The following ATP7B variants were observed in gnomAD, a reference collection of about 807,000 sequenced individuals.
The protein encoded by ATP7B is copper-transporting ATPase 2.
In ATP7B, 113 loss-of-function variants were observed where a neutral mutation model predicts 118.9. The observed-to-expected ratio is 0.95, with a 90% CI of 0.82 to 1.11. The LOEUF (loss-of-function observed/expected upper bound fraction) is 1.11. ATP7B is among the 50% of genes most tolerant of loss of function. The pLI is 0.00. For missense variants in ATP7B, 1,867 were observed against 1,871.4 expected, an observed-to-expected ratio of 1.00 and a Z score of 0.04; for synonymous variants, 777 against 727.4, an observed-to-expected ratio of 1.07 and a Z score of -1.10.
At chr13:51,938,943 AG>A in intron 17 of ATP7B, 107 bp downstream of exon 17, 2 of 1,543,156 alleles carry the variant, frequency 1.3e-6, no homozygotes, top group South Asian at 1.1e-5. Context: ...GCATCCAGCA[AG>A]GGAGAAAGAG....
At chr13:51,938,889 G>C (rs1957138974) in intron 17 of ATP7B, among the ~76,000 whole-genome samples, 162 bp downstream of exon 17, 1 of 152,186 alleles carries the variant, frequency 6.6e-6, no homozygotes, top group African/African-American at 2.4e-5. Flanking sequence ...CAGTGCTCAC[G>C]TGCAACACTA....
chr13:51,985,482 C>T (rs2140296338), intron 1 of ATP7B, among the ~76,000 whole-genome samples: 1 of 152,186 alleles, frequency 6.6e-6, no homozygotes, highest in South Asian at 2.1e-4. Flanking sequence ...ACTTTAACAC[C>T]CCACTGTCAA....
intron 16 of ATP7B, among the ~76,000 whole-genome samples, chr13:51,939,824 G>T (rs1190102912): frequency 6.6e-6 from 1 of 152,102 alleles, no homozygotes; most frequent in Non-Finnish European, 1.5e-5. Context: ...AAAAGAGAGA[G>T]AATGTGAGAG....
rs121907996 is a variant in ATP7B, at chr13:51,946,438, C to T, written c.2906G>A (p.Arg969Gln). ...KHISQTEVII[R>Q]FAFQTSITVL... ...CGTGATGGACGTCTGGAAAGCAAACCGGATGATCACCTCTGTCTGGGAGAT... is the reference window on the plus strand; with the variant it reads ...CGTGATGGACGTCTGGAAAGCAAACTGGATGATCACCTCTGTCTGGGAGAT... Residue 969 changes from arginine (R) to glutamine (Q), a missense_variant, in exon 13 of 21, where the codon CGG becomes CAG. Physicochemically the swap from Arg to Gln is conservative, Grantham distance 43. Transcript: ENST00000242839. 2.3e-5 allele frequency: 37 copies of T among 1,614,078 alleles called. No individual in the cohort carries two copies. The highest frequency in any genetic ancestry group is 4.4e-5 in the South Asian group (4 of 91,086).
At position 51,968,452 on chromosome 13, in the gene ATP7B, C is replaced by T. The variant is rs1454088856; in HGVS notation, c.1699G>A (p.Glu567Lys). Residue 567 changes from glutamate to lysine, a missense_variant, in exon 4 of 21, where the codon GAG becomes AAG. Glu to Lys is a moderately conservative substitution (Grantham distance 56). Coordinates refer to ENST00000242839, the MANE Select transcript of ATP7B (RefSeq NM_000053.4). ...GCACCCACAGTACTTACTGTCAGCT[C>T]AATGTTGCCATCGGAGCCTGCGTAG... is the stretch of plus-strand genomic sequence containing the variant. ...EDYAGSDGNI[E>K]LTITGMTCAS... 8 of 1,614,184 alleles carry T rather than the reference C, an allele frequency of 5.0e-6. No homozygotes were observed. The highest frequency in any genetic ancestry group is 6.8e-6 in the Non-Finnish European group (8 of 1,180,042).
chr13:51,943,987 C>A, intron 14 of ATP7B, 122 bp downstream of exon 14: 2 of 1,248,926 alleles, frequency 1.6e-6, no homozygotes, highest in Non-Finnish European at 2.2e-6. Flanking sequence ...GCAGAAGGGC[C>A]CTCTAAGTGG....
chr13:51,952,242 C>T (rs188654250), intron 9 of ATP7B, among the ~76,000 whole-genome samples: 8 of 152,352 alleles, frequency 5.3e-5, no homozygotes, highest in East Asian at 1.9e-4. Flanking sequence ...AGGGCACCTA[C>T]GGCCCAGGGC....
intron 15 of ATP7B, among the ~76,000 whole-genome samples, chr13:51,942,037 C>T (rs1957362749): frequency 6.6e-6 from 1 of 152,170 alleles, no homozygotes; most frequent in African/African-American, 2.4e-5. Context: ...TTTGTAAATA[C>T]CAGAATTCTA....
intron 20 of ATP7B, 130 bp from the exon 21 acceptor site, chr13:51,935,159 G>A (rs1593635669): frequency 1.6e-5 from 21 of 1,326,418 alleles, no homozygotes; most frequent in East Asian, 1.5e-4. Context: ...AGTTTCCAAG[G>A]AAAAGGACAT....
intron 1 of ATP7B, among the ~76,000 whole-genome samples, chr13:52,004,224 T>G (rs1200208039): frequency 1.3e-5 from 2 of 152,178 alleles, no homozygotes; most frequent in Non-Finnish European, 2.9e-5. Context: ...ATCGTGCCAC[T>G]GCACTCCAGC....
chr13:51,990,738 T>C (rs1249762769), intron 1 of ATP7B, among the ~76,000 whole-genome samples: 1 of 152,250 alleles, frequency 6.6e-6, no homozygotes, highest in Non-Finnish European at 1.5e-5. Flanking sequence ...TTTTCCTTTA[T>C]TTTAGAAGGG....
intron 1 of ATP7B, chr13:51,978,972 G>A (rs979179844): frequency 6.6e-6 from 1 of 152,278 alleles, no homozygotes; most frequent in African/African-American, 2.4e-5. Context: ...CTGCCGGCTA[G>A]GGGCTCAGAT....
intron 9 of ATP7B, among the ~76,000 whole-genome samples, chr13:51,956,143 A>T (rs1566524165): frequency 1.3e-5 from 2 of 152,184 alleles, no homozygotes; most frequent in Non-Finnish European, 1.5e-5. Context: ...AATTGTGATG[A>T]TCATTTAAAA....
Position 51,970,577 on chromosome 13 carries a change from T to A in ATP7B, c.1458A>T (p.Ala486=), listed in dbSNP as rs781224568. 1 of 1,614,114 alleles carries A rather than the reference T, an allele frequency of 6.2e-7. No homozygotes were observed. Among genetic ancestry groups the A allele is most frequent in the Non-Finnish European group, 8.5e-7 (1 of 1,180,002 alleles). The change falls in exon 3 of 21, where the codon GCA becomes GCT. Residue 486 remains alanine, a synonymous_variant. Transcript: ENST00000242839. ...TGATCTGTAAGAAGCACTTCTGCGGTGCCACTGCTCTGGTTGATTGTGGGG... is the reference window on the plus strand; with the variant it reads ...TGATCTGTAAGAAGCACTTCTGCGGAGCCACTGCTCTGGTTGATTGTGGGG... ...AKSPQSTRAV[A]PQKCFLQIKG...
chr13:52,007,766 C>G (rs1329756982), intron 1 of ATP7B, among the ~76,000 whole-genome samples: 1 of 152,146 alleles, frequency 6.6e-6, no homozygotes, highest in Non-Finnish European at 1.5e-5. Flanking sequence ...TCAGGAGGTT[C>G]CTACAATTAC....
chr13:51,935,671 A>G lies in ATP7B; in HGVS notation c.4046T>C (p.Val1349Ala). The change falls in exon 20 of 21, where the codon GTG (valine) becomes GCG (alanine). Residue 1349 changes from valine (V) to alanine (A), a missense_variant. Val to Ala is a moderately conservative substitution (Grantham distance 64). Coordinates refer to ENST00000242839, the MANE Select transcript of ATP7B (RefSeq NM_000053.4). ...CGCTGAGCCCATCCAGGGCTGCAGC[A>G]CAATGCCGATGGGCATGAAGACACC... is the stretch of plus-strand genomic sequence containing the variant. The part of the protein sequence containing the change: ...AAGVFMPIGI[V>A]LQPWMGSAAM... 2 of 1,613,458 alleles carry G rather than the reference A, an allele frequency of 1.2e-6. No homozygotes were observed.
At chr13:51,982,777 G>A (rs1304346483) in intron 1 of ATP7B, among the ~76,000 whole-genome samples, 1 of 152,236 alleles carries the variant, frequency 6.6e-6, no homozygotes, top group Non-Finnish European at 1.5e-5. Context: ...CCAAAGCAGG[G>A]TGGGGTGTTG....
Position 51,974,870 on chromosome 13 carries a change from C to T in ATP7B, c.350G>A (p.Gly117Glu). ...VCLQQVCHQI[G>E]DMGFEASIAE... ...AATGCTGGCCTCGAAGCCCATGTCC[C>T]CAATTTGATGGCAAACCTGTTGCAG... Residue 117 changes from glycine to glutamate, a missense_variant, in exon 2 of 21, where the codon GGG (glycine) becomes GAG (glutamate). Coordinates refer to ENST00000242839, the MANE Select transcript of ATP7B (RefSeq NM_000053.4). The T allele has an allele frequency of 6.2e-7, 1 of 1,614,228 alleles. No individual in the cohort carries two copies. The highest frequency in any genetic ancestry group is 8.5e-7 in the Non-Finnish European group (1 of 1,180,042).
chr13:51,934,985 C>T lies in ATP7B; in HGVS notation c.4169G>A (p.Gly1390Asp). 1.9e-6 allele frequency: 3 copies of T among 1,614,074 alleles called. No homozygotes were observed. Among genetic ancestry groups the T allele is most frequent in the Non-Finnish European group, 2.5e-6 (3 of 1,180,044 alleles). ...GGATGCCGTCAGGGGCTTCATGTGG[C>T]CATGCGCCTGTGCCTCATACCTCTC... is the stretch of plus-strand genomic sequence containing the variant. ...DLERYEAQAH[G>D]HMKPLTASQV... Residue 1390 changes from glycine to aspartate, a missense_variant, in exon 21 of 21, where the codon GGC becomes GAC. Transcript: ENST00000242839.
Sources: gnomAD v4.1 joint callset for allele counts (sites outside exome capture counted in the v4.1 genomes callset) on GRCh38, gnomAD v4.1.1 for gene constraint, MANE v1.5 for transcripts, NCBI Gene and HGNC (gene_info 2026-07-23, HGNC 2026-07-21) for gene names.